Variants in FAM184B observed in about 807,000 individuals in gnomAD.
FAM184B encodes protein FAM184B.
Under a neutral mutation model 135.9 loss-of-function variants are expected in FAM184B, and 111 were observed. The observed-to-expected ratio is 0.82, with a 90% CI of 0.70 to 0.96. The LOEUF (loss-of-function observed/expected upper bound fraction) is 0.96, where lower values mean the gene tolerates loss of function less well. Among genes scored for constraint, FAM184B ranks in the 40% least tolerant of loss-of-function variants. The pLI is 0.00. For synonymous variants in FAM184B, 552 were observed against 524.8 expected (o/e 1.05, Z -0.71); for missense variants, 1,375 against 1,323.9 (o/e 1.04, Z -0.60).
intron 5 of FAM184B, among the ~76,000 whole-genome samples, chr4:17,702,344 A>G (rs1717007400): frequency 6.6e-6 from 1 of 152,130 alleles, no homozygotes; most frequent in South Asian, 2.1e-4. Flanking sequence ...AGTGTATGCA[A>G]ATGCTAATTA....
At chr4:17,669,270 G>A (rs1268863870) in intron 7 of FAM184B, among the ~76,000 whole-genome samples, 1 of 151,828 alleles carries the variant, frequency 6.6e-6, no homozygotes, top group Non-Finnish European at 1.5e-5. Context: ...AGGTATTTTG[G>A]GCATAAAAAA....
At chr4:17,761,962 C>A (rs1263189183) in intron 1 of FAM184B, among the ~76,000 whole-genome samples, 1 of 152,228 alleles carries the variant, frequency 6.6e-6, no homozygotes, top group Non-Finnish European at 1.5e-5. Flanking sequence ...CCTGTTACCT[C>A]TCTGAGGGAT....
intron 1 of FAM184B, among the ~76,000 whole-genome samples, chr4:17,710,362 C>A (rs1206345491): frequency 1.5e-5 from 2 of 131,598 alleles, no homozygotes; most frequent in African/African-American, 5.3e-5. Flanking sequence ...AAAAACTGGA[C>A]AGAGCAATAT....
In FAM184B at chr4:17,664,627, C is replaced by A. The variant is rs761404435; in HGVS notation, c.1629G>T (p.Pro543=). ...DPCLKLDETS[P]RGEEYQDKLA... is the part of the protein sequence containing the mutation. ...ACTTATCTTGATACTCCTCTCCTCTCGGCGAAGTTTCATCCAGCTTCAAGC... is the reference window on the plus strand; with the variant it reads ...ACTTATCTTGATACTCCTCTCCTCTAGGCGAAGTTTCATCCAGCTTCAAGC... Residue 543 remains proline (P), a synonymous_variant, in exon 8 of 18, where the codon CCG becomes CCT. Transcript: ENST00000265018. 11 of 1,550,670 alleles carry A rather than the reference C, an allele frequency of 7.1e-6. No homozygotes were observed. Among genetic ancestry groups the A allele is most frequent in the Non-Finnish European group, 9.6e-6 (11 of 1,146,882 alleles).
At chr4:17,763,199 G>A (rs1369039895) in intron 1 of FAM184B, among the ~76,000 whole-genome samples, 2 of 152,050 alleles carry the variant, frequency 1.3e-5, no homozygotes, top group Admixed American at 1.3e-4. Flanking sequence ...CTGGATACTG[G>A]ACAGTCCTTT....
chr4:17,721,588 C>T (rs533118166), intron 1 of FAM184B, among the ~76,000 whole-genome samples: 5 of 152,080 alleles, frequency 3.3e-5, no homozygotes, highest in Admixed American at 1.3e-4. Context: ...GGGCGTCCTC[C>T]GGGGCAGAGC....
chr4:17,643,110 G>A (rs1262811244), intron 12 of FAM184B, among the ~76,000 whole-genome samples: 1 of 152,230 alleles, frequency 6.6e-6, no homozygotes, highest in Non-Finnish European at 1.5e-5. Flanking sequence ...CAAGAGCAGG[G>A]GGGTTACTGC....
At chr4:17,763,322 C>A (rs1004429671) in intron 1 of FAM184B, among the ~76,000 whole-genome samples, 1 of 151,970 alleles carries the variant, frequency 6.6e-6, no homozygotes, top group Non-Finnish European at 1.5e-5. Flanking sequence ...CATTAGAATC[C>A]ACCAAAGGGG....
chr4:17,710,767 A>G (rs1717250045), intron 1 of FAM184B, among the ~76,000 whole-genome samples: 1 of 152,208 alleles, frequency 6.6e-6, no homozygotes, highest in Non-Finnish European at 1.5e-5. Context: ...GACTCTTAGG[A>G]TGTTGGCCTG....
At position 17,705,092 on chromosome 4, in the gene FAM184B, C is replaced by T. The variant is rs1309552097; in HGVS notation, c.1285G>A (p.Val429Met). ...TTTACCAAGTCTTCTAGTCGCTTCACTAGCTGGTCTTTGAGATGTTTCTTC... is the reference window on the plus strand; with the variant it reads ...TTTACCAAGTCTTCTAGTCGCTTCATTAGCTGGTCTTTGAGATGTTTCTTC... ...EEKKHLKDQL[V>M]KRLEDLVKKH... Residue 429 changes from valine to methionine, a missense_variant, in exon 5 of 18, where the codon GTG (valine) becomes ATG (methionine). By Grantham distance (21) the Val-to-Met change is conservative. Coordinates refer to ENST00000265018, the MANE Select transcript of FAM184B (RefSeq NM_015688.2). The T allele has an allele frequency of 1.0e-5, 16 of 1,551,654 alleles. No individual in the cohort carries two copies. The African/African-American group carries it at 2.1e-4, about 20-fold the overall frequency.
chr4:17,693,440 T>A, intron 5 of FAM184B, 28 bp from the exon 6 acceptor site: 1 of 1,533,066 alleles, frequency 6.5e-7, no homozygotes, highest in East Asian at 2.5e-5. Flanking sequence ...GAGTTAACCA[T>A]ACAAGGCACG....
At chr4:17,663,849 TAGTG>T (rs1715982378) in intron 8 of FAM184B, among the ~76,000 whole-genome samples, 1 of 152,146 alleles carries the variant, frequency 6.6e-6, no homozygotes, top group Admixed American at 6.5e-5. Context: ...GTTCTTGTGA[TAGTG>T]AGTGAGTTTT....
At chr4:17,775,168 T>C (rs1718901614) in intron 1 of FAM184B, among the ~76,000 whole-genome samples, 1 of 151,708 alleles carries the variant, frequency 6.6e-6, no homozygotes, top group Non-Finnish European at 1.5e-5. Flanking sequence ...AGCTAATTTT[T>C]GTATTTTAAT....
At chr4:17,747,967 A>G (rs1197090526) in intron 1 of FAM184B, among the ~76,000 whole-genome samples, 2 of 140,242 alleles carry the variant, frequency 1.4e-5, no homozygotes, top group Non-Finnish European at 3.1e-5. Flanking sequence ...TTAGCCAGGC[A>G]TGGTGGCGCA....
chr4:17,780,501 T>G (rs1396966480), intron 1 of FAM184B, among the ~76,000 whole-genome samples: 2 of 152,110 alleles, frequency 1.3e-5, no homozygotes, highest in Non-Finnish European at 2.9e-5. Context: ...TTTTTGCTGG[T>G]CTTCTTGAAA....
intron 11 of FAM184B, among the ~76,000 whole-genome samples, chr4:17,650,196 C>T (rs1715577511): frequency 6.6e-6 from 1 of 152,180 alleles, no homozygotes; most frequent in Non-Finnish European, 1.5e-5. Flanking sequence ...ATCCATCCAT[C>T]CATCCATCCA....
Position 17,778,112 on chromosome 4 carries a change from A to G in FAM184B, c.141+3047T>C, listed in dbSNP as rs545490050. Among the ~76,000 whole-genome samples, 9 of 152,298 alleles carry G rather than the reference A, an allele frequency of 5.9e-5. No homozygotes were observed. In the South Asian group the frequency reaches 1.7e-3, roughly 28 times the overall value. On this transcript the variant is annotated intron_variant, in intron 1 of 17. Transcript: ENST00000265018. ...AGTACCTCCTCCTTTTGCAGAGGAT[A>G]AAGATAAACTAACACCAAGACAGTT...
chr4:17,663,363 C>T (rs1040818620), intron 8 of FAM184B, among the ~76,000 whole-genome samples: 15 of 152,076 alleles, frequency 9.9e-5, no homozygotes, highest in African/African-American at 3.1e-4. Context: ...GTTCTGGCCA[C>T]GGTAATCAGG....
intron 5 of FAM184B, among the ~76,000 whole-genome samples, chr4:17,700,860 G>C (rs185216397): frequency 3.9e-4 from 59 of 151,900 alleles, no homozygotes; most frequent in Non-Finnish European, 7.4e-4. Flanking sequence ...CAAATAGTTG[G>C]ACATTGAACA....
Sources: allele counts gnomAD v4.1 joint callset (sites outside exome capture counted in the v4.1 genomes callset), GRCh38; gene constraint gnomAD v4.1.1; transcripts MANE v1.5; gene names NCBI Gene and HGNC (gene_info 2026-07-23, HGNC 2026-07-21).